OLA1: variants seen among roughly 807,000 people sequenced by gnomAD.
OLA1 encodes obg-like ATPase 1.
In OLA1, 14 loss-of-function variants were observed where a neutral mutation model predicts 48.4. That is an observed-to-expected ratio of 0.29 (90% CI 0.19 to 0.45). The LOEUF (loss-of-function observed/expected upper bound fraction) is 0.45. Among genes scored for constraint, OLA1 ranks in the 20% least tolerant of loss-of-function variants. The probability of loss-of-function intolerance (pLI) is 1.00; values close to 1 mark genes in which losing one functional copy is unlikely to be tolerated. For missense variants in OLA1, 325 were observed against 467.1 expected, an observed-to-expected ratio of 0.70 and a Z score of 2.80; for synonymous variants, 127 against 150.4, an observed-to-expected ratio of 0.84 and a Z score of 1.14.
chr2:174,196,886 C>A (rs1687888856), intron 4 of OLA1, among the ~76,000 whole-genome samples: 1 of 152,120 alleles, frequency 6.6e-6, no homozygotes, highest in Non-Finnish European at 1.5e-5. Context: ...AAAAAAGAAG[C>A]TGAATCAGAC....
At chr2:174,122,829 A>G (rs1260672902) in intron 7 of OLA1, among the ~76,000 whole-genome samples, 2 of 151,702 alleles carry the variant, frequency 1.3e-5, no homozygotes, top group African/African-American at 4.8e-5. Flanking sequence ...CACTTATAAT[A>G]TCAACACAGC....
chr2:174,148,190 C>T lies in OLA1; in HGVS notation c.374-6190G>A, dbSNP rs1356052800. Among the ~76,000 whole-genome samples, 4 of 152,156 alleles carry T rather than the reference C, an allele frequency of 2.6e-5. No individual in the cohort carries two copies. In the East Asian group the frequency reaches 7.7e-4, roughly 29 times the overall value. On this transcript the variant is annotated intron_variant, in intron 4 of 10. Coordinates refer to ENST00000284719, the MANE Select transcript of OLA1 (RefSeq NM_013341.5). ...TAACCTGAGGTCAGGAGTTCTAGAC[C>T]AGCTTGGCCAATGTGGTGAAACCCC...
chr2:174,214,361 C>T (rs576282101), intron 4 of OLA1, among the ~76,000 whole-genome samples: 27 of 152,180 alleles, frequency 1.8e-4, no homozygotes, highest in African/African-American at 6.5e-4. Context: ...ACAGTACTAA[C>T]TAAGCAAAGT....
intron 4 of OLA1, among the ~76,000 whole-genome samples, chr2:174,170,830 G>A (rs890371964): frequency 2.0e-5 from 3 of 152,196 alleles, no homozygotes; most frequent in East Asian, 1.9e-4. Flanking sequence ...CCTGAGCCCA[G>A]AAGTTTGAGG....
At chr2:174,147,061 A>G (rs1309870637) in intron 4 of OLA1, among the ~76,000 whole-genome samples, 1 of 152,204 alleles carries the variant, frequency 6.6e-6, no homozygotes, top group African/African-American at 2.4e-5. Context: ...CATCAAGAGC[A>G]GCAGAAGAAA....
Position 174,135,191 on chromosome 2 carries a change from G to T in OLA1, c.549+6634C>A, listed in dbSNP as rs552915933. Among the ~76,000 whole-genome samples the T allele has an allele frequency of 8.6e-4, 128 of 149,602 alleles. No homozygotes were observed. The Middle Eastern group carries it at 0.014, about 17-fold the overall frequency. Reference sequence around the variant, plus strand: ...AAAAAAAAAAAAAAGAAATGGGAATGGAAGAGCACCAAACAGGTAAAGTTC... The same window carrying T: ...AAAAAAAAAAAAAAGAAATGGGAATTGAAGAGCACCAAACAGGTAAAGTTC... On this transcript the variant is annotated intron_variant, in intron 5 of 10. Coordinates refer to ENST00000284719, the MANE Select transcript of OLA1 (RefSeq NM_013341.5).
At chr2:174,109,938 T>C (rs1471975176) in intron 7 of OLA1, among the ~76,000 whole-genome samples, 3 of 152,106 alleles carry the variant, frequency 2.0e-5, no homozygotes, top group Non-Finnish European at 4.4e-5. Context: ...TTATCCTTTC[T>C]GCTCCTCTCT....
chr2:174,089,901 C>CA (rs549770214), intron 7 of OLA1, among the ~76,000 whole-genome samples: 2,165 of 53,020 alleles, frequency 0.041, 54 homozygotes, highest in East Asian at 0.16. Flanking sequence ...GACCCTGTCT[C>CA]AAAAAAAAAA....
chr2:174,083,587 TA>T (rs535991766), intron 7 of OLA1, among the ~76,000 whole-genome samples: 1 of 151,700 alleles, frequency 6.6e-6, no homozygotes, highest in Admixed American at 6.6e-5. Context: ...AAGGACAGGT[TA>T]AAAAAAAGGT....
rs142426797 is a variant in OLA1 at position 174,227,207 on chromosome 2, C to T, written c.245+2101G>A. ...AATGCTTGAGGCCGACAGTTCAAGA[C>T]CACCCTGGGGCAACACAGCAAGACC... On this transcript the variant is annotated intron_variant, in intron 3 of 10. Coordinates refer to ENST00000284719, the MANE Select transcript of OLA1 (RefSeq NM_013341.5). Among the ~76,000 whole-genome samples the T allele has an allele frequency of 4.0e-4, 61 of 152,096 alleles. No homozygotes were observed. In the East Asian group the frequency reaches 9.7e-3, roughly 24 times the overall value.
intron 7 of OLA1, among the ~76,000 whole-genome samples, chr2:174,120,001 G>A (rs1685878100): frequency 2.0e-5 from 3 of 151,474 alleles, no homozygotes; most frequent in Admixed American, 2.0e-4. Flanking sequence ...TAAAAGTTTA[G>A]TTATATTTTC....
intron 3 of OLA1, 60 bp downstream of exon 3, chr2:174,229,247 CT>C: frequency 6.7e-7 from 1 of 1,500,608 alleles, no homozygotes; most frequent in Non-Finnish European, 9.2e-7. Flanking sequence ...TTCTATATGA[CT>C]TTAAACATCT....
chr2:174,142,557 G>A (rs1574505546), intron 4 of OLA1, among the ~76,000 whole-genome samples: 2 of 152,312 alleles, frequency 1.3e-5, no homozygotes, highest in East Asian at 3.9e-4. Context: ...AGATGAAGGT[G>A]CATTTGTCAT....
intron 4 of OLA1, among the ~76,000 whole-genome samples, chr2:174,151,651 T>TACC (rs1686749010): frequency 1.3e-5 from 2 of 152,236 alleles, no homozygotes; most frequent in African/African-American, 4.8e-5. Context: ...AACAAAGTAT[T>TACC]ACCTTATGTC....
chr2:174,235,588 C>T, intron 2 of OLA1, among the ~76,000 whole-genome samples: 1 of 152,160 alleles, frequency 6.6e-6, no homozygotes, highest in East Asian at 1.9e-4. Flanking sequence ...TTACTGCCTA[C>T]TGATGCTTTC....
chr2:174,245,633 C>T (rs1574579190), intron 2 of OLA1, among the ~76,000 whole-genome samples: 1 of 152,330 alleles, frequency 6.6e-6, no homozygotes, highest in East Asian at 1.9e-4. Flanking sequence ...GTGGCTCACA[C>T]CTGTAATCCC....
At chr2:174,215,963 C>T (rs1688352368) in intron 4 of OLA1, among the ~76,000 whole-genome samples, 1 of 152,044 alleles carries the variant, frequency 6.6e-6, no homozygotes, top group African/African-American at 2.4e-5. Context: ...GAGGTTCCTG[C>T]ATATTAATAT....
At chr2:174,168,849 T>C (rs1687231345) in intron 4 of OLA1, among the ~76,000 whole-genome samples, 1 of 151,300 alleles carries the variant, frequency 6.6e-6, no homozygotes, top group South Asian at 2.1e-4. Flanking sequence ...AGGAAAAGAA[T>C]ATGTCAAAGA....
chr2:174,154,480 A>C (rs13027076), intron 4 of OLA1, among the ~76,000 whole-genome samples: 21,154 of 151,970 alleles, frequency 0.14, 1,598 homozygotes, highest in East Asian at 0.21. Flanking sequence ...TTTGGGCCTA[A>C]AAGATAAAAA....
Sources: gnomAD v4.1 joint callset for allele counts (sites outside exome capture counted in the v4.1 genomes callset) on GRCh38, gnomAD v4.1.1 for gene constraint, MANE v1.5 for transcripts, NCBI Gene and HGNC (gene_info 2026-07-23, HGNC 2026-07-21) for gene names.